ZC2HC1A: variants seen among roughly 807,000 people sequenced by gnomAD.
The protein encoded by ZC2HC1A is zinc finger C2HC-type containing 1A, also known as zinc finger C2HC domain-containing protein 1A.
ZC2HC1A carries 28 observed loss-of-function variants against 40.7 expected under a neutral mutation model. The ratio of observed to expected loss-of-function variants is 0.69; its 90% CI spans 0.51 to 0.94. The LOEUF is 0.94. Ranked by LOEUF, ZC2HC1A falls within the 40% of genes least tolerant of loss-of-function variation. The probability of loss-of-function intolerance (pLI) is 0.00; values close to 1 mark genes in which losing one functional copy is unlikely to be tolerated. For missense variants in ZC2HC1A, 389 were observed against 386.3 expected, an observed-to-expected ratio of 1.01 and a Z score of -0.06; for synonymous variants, 129 against 129.2, an observed-to-expected ratio of 1.00 and a Z score of 0.01.
intron 7 of ZC2HC1A, among the ~76,000 whole-genome samples, chr8:78,702,083 G>A (rs1383265918): frequency 7.2e-5 from 11 of 152,140 alleles, no homozygotes; most frequent in Non-Finnish European, 1.6e-4. Flanking sequence ...GAATTCAGCT[G>A]TGAATCCATC....
rs147160718 is a variant in ZC2HC1A, at chr8:78,673,435, A to G, written c.17-2352A>G. ...TAATACTTTGGGTACATACCCGGTA[A>G]TGGGATTGCTGGGTCAAATGGTATT... On this transcript the variant is annotated intron_variant, in intron 1 of 8. Transcript: ENST00000263849. 8.0e-3 allele frequency among the ~76,000 whole-genome samples: 1,221 copies of G among 152,286 alleles called. 15 individuals carry two copies. Among genetic ancestry groups the G allele is most frequent in the African/African-American group, 0.027 (1,111 of 41,534 alleles).
chr8:78,693,474 G>A (rs1359159510), intron 5 of ZC2HC1A, among the ~76,000 whole-genome samples: 1 of 152,170 alleles, frequency 6.6e-6, no homozygotes, highest in Non-Finnish European at 1.5e-5. Context: ...GCATTTCTCT[G>A]ATGGCCAGTA....
At chr8:78,704,387 C>CAAAA (rs1307275741) in intron 7 of ZC2HC1A, among the ~76,000 whole-genome samples, 2 of 65,256 alleles carry the variant, frequency 3.1e-5, no homozygotes, top group Non-Finnish European at 6.4e-5. Flanking sequence ...GACTCCATCT[C>CAAAA]AAAAAAAAAA....
At position 78,717,650 on chromosome 8, in the gene ZC2HC1A, G is replaced by T; in HGVS notation, c.*157G>T. 2.7e-6 allele frequency: 2 copies of T among 735,246 alleles called. No homozygotes were observed. Among genetic ancestry groups the T allele is most frequent in the Non-Finnish European group, 2.1e-6 (1 of 472,172 alleles). 45.5% of individuals were successfully genotyped at this position (735,246 alleles called of 1,614,324 possible). A position where few individuals can be genotyped will look rare whatever the true frequency, so the allele number is the denominator to read the frequency against. On this transcript the variant is annotated 3_prime_UTR_variant, in exon 9 of 9. Transcript: ENST00000263849. ...GTAATCTTTTGGCTATATAATGTGT[G>T]TATGTTTATATGTGTACATATACTG...
chr8:78,687,702 TTATATATATATTTAC>T (rs1563626837), intron 4 of ZC2HC1A, among the ~76,000 whole-genome samples: 4 of 47,788 alleles, frequency 8.4e-5, no homozygotes, highest in African/African-American at 2.6e-4. Flanking sequence ...ACGTAATACA[TTATATATATATTTAC>T]GTAATACATT....
intron 2 of ZC2HC1A, chr8:78,676,069 G>GTTAAAGT (rs1809568583): frequency 2.8e-6 from 1 of 355,686 alleles, no homozygotes; most frequent in East Asian, 4.2e-5. Flanking sequence ...GAACTCTTCT[G>GTTAAAGT]TTAAAGTTTA....
At chr8:78,667,965 T>TA (rs531628213) in intron 1 of ZC2HC1A, among the ~76,000 whole-genome samples, 75 of 151,956 alleles carry the variant, frequency 4.9e-4, no homozygotes, top group Non-Finnish European at 9.1e-4. Flanking sequence ...TTAGATTTTT[T>TA]TTTTTTACAA....
At chr8:78,676,377 A>G (rs922441953) in intron 2 of ZC2HC1A, among the ~76,000 whole-genome samples, 11 of 152,004 alleles carry the variant, frequency 7.2e-5, no homozygotes, top group Non-Finnish European at 1.5e-4. Context: ...ATGTAAAAGT[A>G]CACCTAAAAT....
chr8:78,690,432 C>T (rs949371828), intron 5 of ZC2HC1A, among the ~76,000 whole-genome samples: 9 of 151,808 alleles, frequency 5.9e-5, no homozygotes, highest in African/African-American at 1.2e-4. Flanking sequence ...TGGTGGCGGG[C>T]GCCTGTAGTC....
intron 5 of ZC2HC1A, among the ~76,000 whole-genome samples, chr8:78,692,099 T>C (rs1229573161): frequency 1.3e-5 from 2 of 152,200 alleles, no homozygotes; most frequent in Non-Finnish European, 2.9e-5. Context: ...TATCATTTAC[T>C]GTATTCACCA....
chr8:78,708,517 AAAAAAC>A (rs1165423510), intron 7 of ZC2HC1A, among the ~76,000 whole-genome samples: 2 of 151,918 alleles, frequency 1.3e-5, no homozygotes, highest in African/African-American at 4.8e-5. Context: ...GTCTCCATTA[AAAAAAC>A]AAAAACAAAA....
Position 78,678,649 on chromosome 8 carries a change from T to C in ZC2HC1A, c.180T>C (p.Asp60=), listed in dbSNP as rs1809663256. The change falls in exon 3 of 9, where the codon GAT becomes GAC. Residue 60 remains aspartate (D), a synonymous_variant. Transcript: ENST00000263849. ...GCAGACAGAGAGCTGAAGGAACTGA[T>C]ATTCCAACAGTAAAACCTCTCAAAC... ...DSSRQRAEGT[D]IPTVKPLKPR... 6.2e-7 allele frequency: 1 copy of C among 1,611,696 alleles called. No homozygotes were observed. The highest frequency in any genetic ancestry group is 1.7e-4 in the Middle Eastern group (1 of 6,040).
chr8:78,716,052 A>T (rs1288906533), intron 8 of ZC2HC1A, among the ~76,000 whole-genome samples: 2 of 151,310 alleles, frequency 1.3e-5, no homozygotes, highest in African/African-American at 4.9e-5. Context: ...AAAAAAAAAA[A>T]AAAGGCTGTT....
chr8:78,697,719 C>G (rs1264307716), intron 6 of ZC2HC1A, among the ~76,000 whole-genome samples: 1 of 148,870 alleles, frequency 6.7e-6, no homozygotes, highest in African/African-American at 2.5e-5. Context: ...TGCTCTGTTG[C>G]CCAGGTTTGA....
chr8:78,677,852 C>T (rs1417080883), intron 2 of ZC2HC1A, among the ~76,000 whole-genome samples: 3 of 152,166 alleles, frequency 2.0e-5, no homozygotes, highest in South Asian at 2.1e-4. Flanking sequence ...AATGAAAGAA[C>T]GGGTACTCCA....
At chr8:78,682,122 A>C (rs547892453) in intron 3 of ZC2HC1A, among the ~76,000 whole-genome samples, 1 of 152,122 alleles carries the variant, frequency 6.6e-6, no homozygotes, top group East Asian at 1.9e-4. Context: ...TAGTAGGAAT[A>C]GTTGGGTATC....
chr8:78,676,899 T>C (rs1046246652), intron 2 of ZC2HC1A, among the ~76,000 whole-genome samples: 1 of 152,040 alleles, frequency 6.6e-6, no homozygotes, highest in Non-Finnish European at 1.5e-5. Context: ...TTGAATTATG[T>C]TGGGAAACAA....
intron 4 of ZC2HC1A, 65 bp downstream of exon 4, chr8:78,686,673 A>T: frequency 7.3e-7 from 1 of 1,375,412 alleles, no homozygotes; most frequent in Non-Finnish European, 9.5e-7. Flanking sequence ...GTTTTTATAA[A>T]TTTTCACTTG....
chr8:78,682,076 T>C (rs1422065009), intron 3 of ZC2HC1A, among the ~76,000 whole-genome samples: 21 of 152,082 alleles, frequency 1.4e-4, no homozygotes, highest in Admixed American at 1.4e-3. Context: ...ACTTTGTGGA[T>C]TCAACACATA....
Sources: allele counts gnomAD v4.1 joint callset (sites outside exome capture counted in the v4.1 genomes callset), GRCh38; gene constraint gnomAD v4.1.1; transcripts MANE v1.5; gene names NCBI Gene and HGNC (gene_info 2026-07-23, HGNC 2026-07-21).